Variants in PTPRD observed in about 807,000 individuals in gnomAD.
The protein encoded by PTPRD is protein tyrosine phosphatase receptor type D, also known as receptor-type tyrosine-protein phosphatase delta.
A neutral mutation model predicts 214.5 loss-of-function variants in PTPRD; 34 were observed. That is an observed-to-expected ratio of 0.16 (90% CI 0.12 to 0.21). The LOEUF (loss-of-function observed/expected upper bound fraction) is 0.21. Ranked by LOEUF, PTPRD falls within the 10% of genes least tolerant of loss-of-function variation. The pLI, the probability that PTPRD is intolerant of heterozygous loss-of-function variation, is 1.00. For missense variants in PTPRD, 2,545 were observed against 2,398.7 expected (o/e 1.06, Z -1.27); for synonymous variants, 1,128 against 845.7 (o/e 1.33, Z -5.79).
intron 3 of PTPRD, among the ~76,000 whole-genome samples, chr9:10,143,302 A>AATAAAATAAG (rs4008065): frequency 6.7e-6 from 1 of 150,372 alleles, no homozygotes; most frequent in East Asian, 2.0e-4. Flanking sequence ...AATAAAATAA[A>AATAAAATAAG]AAAATAAATG....
intron 2 of PTPRD, among the ~76,000 whole-genome samples, chr9:10,490,873 A>G (rs2039977731): frequency 6.6e-6 from 1 of 152,182 alleles, no homozygotes; most frequent in Non-Finnish European, 1.5e-5. Context: ...AAAAGTTATT[A>G]ACAACTTTAC....
At chr9:9,787,226 A>C (rs2098931461) in intron 5 of PTPRD, among the ~76,000 whole-genome samples, 1 of 151,994 alleles carries the variant, frequency 6.6e-6, no homozygotes, top group South Asian at 2.1e-4. Flanking sequence ...CATTAAAAAA[A>C]AAAGAACAAA....
chr9:8,351,810 C>G (rs1564183900), intron 39 of PTPRD, among the ~76,000 whole-genome samples: 1 of 148,502 alleles, frequency 6.7e-6, no homozygotes, highest in Non-Finnish European at 1.5e-5. Context: ...CATGATCACT[C>G]CAGAAAGGTA....
intron 2 of PTPRD, among the ~76,000 whole-genome samples, chr9:10,378,423 T>C (rs913133912): frequency 6.6e-6 from 1 of 152,040 alleles, no homozygotes; most frequent in African/African-American, 2.4e-5. Flanking sequence ...CAATGTTTAA[T>C]TGTAGTAGTT....
intron 11 of PTPRD, among the ~76,000 whole-genome samples, chr9:8,910,447 A>C (rs1566953200): frequency 6.6e-6 from 1 of 152,240 alleles, no homozygotes; most frequent in East Asian, 1.9e-4. Flanking sequence ...ACTAATTAAT[A>C]ATTGGGTTAA....
At chr9:9,621,988 C>G (rs1282991329) in intron 7 of PTPRD, among the ~76,000 whole-genome samples, 2 of 152,138 alleles carry the variant, frequency 1.3e-5, no homozygotes, top group African/African-American at 4.8e-5. Flanking sequence ...GGCGAGGAGA[C>G]CTGGTCATCT....
chr9:9,582,738 T>G (rs1237255866), intron 7 of PTPRD, among the ~76,000 whole-genome samples: 1 of 152,100 alleles, frequency 6.6e-6, no homozygotes, highest in East Asian at 1.9e-4. Context: ...ATTTGTGTGG[T>G]ATATTCTTCT....
At chr9:9,485,353 C>A (rs899906894) in intron 8 of PTPRD, among the ~76,000 whole-genome samples, 4 of 151,970 alleles carry the variant, frequency 2.6e-5, no homozygotes, top group African/African-American at 9.7e-5. Flanking sequence ...TTAGAAGAAA[C>A]GTTTTGGAAT....
intron 39 of PTPRD, among the ~76,000 whole-genome samples, chr9:8,351,668 G>A (rs1283360701): frequency 2.0e-5 from 3 of 147,288 alleles, no homozygotes; most frequent in African/African-American, 7.7e-5. Flanking sequence ...TCTGGTGCTG[G>A]CTTTTAAAGA....
chr9:10,308,592 T>A (rs2096166067), intron 3 of PTPRD, among the ~76,000 whole-genome samples: 2 of 152,068 alleles, frequency 1.3e-5, no homozygotes, highest in Admixed American at 1.3e-4. Flanking sequence ...TCTATTTCTG[T>A]GAATAATACC....
chr9:9,413,353 A>G (rs2076096293), intron 8 of PTPRD, among the ~76,000 whole-genome samples: 1 of 151,134 alleles, frequency 6.6e-6, no homozygotes, highest in South Asian at 2.1e-4. Context: ...TGACCTCATG[A>G]TCCACCCGCC....
chr9:10,487,934 T>A (rs1015693619), intron 2 of PTPRD, among the ~76,000 whole-genome samples: 1 of 149,980 alleles, frequency 6.7e-6, no homozygotes, highest in Non-Finnish European at 1.5e-5. Flanking sequence ...AGACTCTTGT[T>A]CTCTTCCCTT....
intron 39 of PTPRD, among the ~76,000 whole-genome samples, chr9:8,356,443 CA>C (rs2077017195): frequency 6.6e-6 from 1 of 152,162 alleles, no homozygotes; most frequent in South Asian, 2.1e-4. Flanking sequence ...TCAAAATACA[CA>C]CTGTTCAAAG....
At chr9:8,702,076 G>A (rs1382331389) in intron 12 of PTPRD, among the ~76,000 whole-genome samples, 1 of 151,990 alleles carries the variant, frequency 6.6e-6, no homozygotes, top group African/African-American at 2.4e-5. Flanking sequence ...CAATTACTTT[G>A]TGTCACTTTA....
chr9:9,957,137 C>T (rs1216709448), intron 4 of PTPRD, among the ~76,000 whole-genome samples: 3 of 151,992 alleles, frequency 2.0e-5, no homozygotes. Flanking sequence ...TTTGACTCCA[C>T]AAAAAATAAA....
intron 2 of PTPRD, among the ~76,000 whole-genome samples, chr9:10,583,849 G>A (rs1187747186): frequency 1.3e-5 from 2 of 152,092 alleles, no homozygotes; most frequent in African/African-American, 4.8e-5. Flanking sequence ...TATTTCGAAG[G>A]GCAGCTGTCA....
At position 9,378,239 on chromosome 9, in the gene PTPRD, AT is replaced by A. The variant is rs1379382022; in HGVS notation, c.-203+19209del. The stretch of plus-strand genomic sequence containing the variant: ...CCACTGATCGTTAAATATCTCCATA[AT>A]TTTGGCTTTTCCAGAAAATCATATA... On this transcript the variant is annotated intron_variant, in intron 9 of 45. Transcript: ENST00000381196. Among the ~76,000 whole-genome samples the A allele has an allele frequency of 2.6e-5, 4 of 152,248 alleles. No homozygotes were observed. In the East Asian group the frequency reaches 7.7e-4, roughly 29 times the overall value.
At chr9:10,396,682 A>G (rs2098177070) in intron 2 of PTPRD, among the ~76,000 whole-genome samples, 2 of 152,034 alleles carry the variant, frequency 1.3e-5, no homozygotes, top group African/African-American at 4.8e-5. Context: ...AGATTTGGGA[A>G]ATAACTGCAG....
At chr9:8,991,809 C>T (rs1476455246) in intron 11 of PTPRD, among the ~76,000 whole-genome samples, 7 of 151,966 alleles carry the variant, frequency 4.6e-5, no homozygotes, top group Non-Finnish European at 1.0e-4. Flanking sequence ...TGGAAATCTG[C>T]CTATATGTCT....
Sources: gnomAD v4.1 joint callset for allele counts (sites outside exome capture counted in the v4.1 genomes callset) on GRCh38, gnomAD v4.1.1 for gene constraint, MANE v1.5 for transcripts, NCBI Gene and HGNC (gene_info 2026-07-23, HGNC 2026-07-21) for gene names.